Variants in MED13L observed in about 807,000 individuals in gnomAD.
The protein encoded by MED13L is mediator complex subunit 13L.
MED13L carries 7 observed loss-of-function variants against 220.9 expected under a neutral mutation model. That is an observed-to-expected ratio of 0.03 (90% CI 0.02 to 0.06). The LOEUF (loss-of-function observed/expected upper bound fraction) is 0.06. Among genes scored for constraint, MED13L ranks in the 10% least tolerant of loss-of-function variants. MED13L has a pLI of 1.00. For missense variants in MED13L, 1,965 were observed against 2,760.5 expected (o/e 0.71, Z 6.46); for synonymous variants, 1,011 against 1,015.2 (o/e 1.00, Z 0.08).
chr12:116,096,832 A>G, intron 3 of MED13L, 80 bp from the exon 4 acceptor site: 1 of 961,470 alleles, frequency 1.0e-6, no homozygotes, highest in Non-Finnish European at 1.7e-6. Context: ...ACCAGATGAG[A>G]TATATCACCA....
chr12:116,260,700 C>T (rs1012097323), intron 1 of MED13L, among the ~76,000 whole-genome samples: 3 of 152,122 alleles, frequency 2.0e-5, no homozygotes, highest in East Asian at 1.9e-4. Context: ...CAAATGCCCC[C>T]GCTATTCTAT....
intron 1 of MED13L, among the ~76,000 whole-genome samples, chr12:116,253,820 C>T (rs1242829922): frequency 1.6e-5 from 2 of 128,718 alleles, no homozygotes; most frequent in East Asian, 2.4e-4. Flanking sequence ...AGTGCAGTGG[C>T]GCAATACCTG....
chr12:116,188,032 T>C (rs943878332), intron 2 of MED13L, among the ~76,000 whole-genome samples: 3 of 152,110 alleles, frequency 2.0e-5, no homozygotes, highest in Non-Finnish European at 2.9e-5. Context: ...CACTCATTCA[T>C]TGGATTTATT....
At chr12:116,025,564 G>A (rs1361257099) in intron 4 of MED13L, among the ~76,000 whole-genome samples, 1 of 152,180 alleles carries the variant, frequency 6.6e-6, no homozygotes, top group Non-Finnish European at 1.5e-5. Flanking sequence ...ATGAAATCCT[G>A]TCATTTGAGA....
chr12:116,059,435 G>A (rs1212924552), intron 4 of MED13L, among the ~76,000 whole-genome samples: 2 of 143,872 alleles, frequency 1.4e-5, no homozygotes, highest in African/African-American at 5.1e-5. Context: ...TTTTTTTTTG[G>A]TGAGGAGTTT....
At position 115,992,021 on chromosome 12, in the gene MED13L, T is replaced by C. The variant is rs2137308969; in HGVS notation, c.2997-64A>G. The C allele has an allele frequency of 4.4e-6, 6 of 1,355,658 alleles. No homozygotes were observed. In the South Asian group the frequency reaches 7.3e-5, roughly 16 times the overall value. 84.0% of individuals were successfully genotyped at this position (1,355,658 alleles called of 1,614,324 possible). A position where few individuals can be genotyped will look rare whatever the true frequency, so the allele number is the denominator to read the frequency against. ...TGTCACAGATGCTGAACTAGACACA[T>C]GATCACCCCAGCCATGTACTGTGTA... On this transcript the variant is annotated intron_variant, in intron 16 of 30. Transcript: ENST00000281928.
At chr12:116,125,593 A>G (rs975527052) in intron 2 of MED13L, among the ~76,000 whole-genome samples, 6 of 152,222 alleles carry the variant, frequency 3.9e-5, no homozygotes, top group Admixed American at 2.6e-4. Context: ...TCTGAAATCA[A>G]ACAATGAGTC....
intron 2 of MED13L, among the ~76,000 whole-genome samples, chr12:116,183,217 C>T (rs1168050791): frequency 6.6e-6 from 1 of 152,130 alleles, no homozygotes; most frequent in African/African-American, 2.4e-5. Context: ...AATAAATTCA[C>T]AGTGGTTAAA....
intron 4 of MED13L, among the ~76,000 whole-genome samples, chr12:116,039,360 G>A (rs1409641865): frequency 6.6e-6 from 1 of 152,172 alleles, no homozygotes; most frequent in Non-Finnish European, 1.5e-5. Context: ...CAGTTTCCCA[G>A]CAAAAGAGAA....
intron 2 of MED13L, among the ~76,000 whole-genome samples, chr12:116,163,264 T>C (rs1267544977): frequency 6.6e-6 from 1 of 152,060 alleles, no homozygotes; most frequent in Non-Finnish European, 1.5e-5. Context: ...TGCACTATCA[T>C]CCTTATTAGT....
In MED13L at chr12:115,960,694, T is replaced by C; in HGVS notation, c.*572A>G. The C allele has an allele frequency of 6.1e-6, 1 of 162,710 alleles. No homozygotes were observed. Among genetic ancestry groups the C allele is most frequent in the East Asian group, 1.7e-4 (1 of 5,860 alleles). The allele number at this position is 162,710 out of a possible 1,614,324, so 10.1% of individuals were successfully genotyped here. ...ACAAAATGAAGCTGTCTCCAGACCT[T>C]CTGCATTGACACACAGGTTTGAAGT... On this transcript the variant is annotated 3_prime_UTR_variant, in exon 31 of 31. Coordinates refer to ENST00000281928, the MANE Select transcript of MED13L (RefSeq NM_015335.5).
chr12:116,012,672 A>T (rs185274192), intron 9 of MED13L, 125 bp downstream of exon 9: 22 of 793,878 alleles, frequency 2.8e-5, no homozygotes, highest in Non-Finnish European at 4.5e-6. Context: ...AAAAAAACTA[A>T]TCTTTTTCTT....
chr12:115,963,290 A>G (rs1416947589), intron 30 of MED13L, 117 bp downstream of exon 30: 6 of 809,966 alleles, frequency 7.4e-6, no homozygotes, highest in Non-Finnish European at 1.3e-5. Flanking sequence ...ATACTGTATC[A>G]CTGCACAAAC....
chr12:116,229,629 A>C (rs960547264), intron 2 of MED13L, among the ~76,000 whole-genome samples: 1 of 152,172 alleles, frequency 6.6e-6, no homozygotes, highest in Non-Finnish European at 1.5e-5. Flanking sequence ...CTCAATTTCA[A>C]GCATATTTAC....
intron 1 of MED13L, among the ~76,000 whole-genome samples, chr12:116,253,972 G>C (rs901455680): frequency 7.3e-5 from 11 of 151,714 alleles, no homozygotes; most frequent in Admixed American, 2.0e-4. Context: ...CATTGGCCAG[G>C]CTGGTCTCGA....
intron 4 of MED13L, among the ~76,000 whole-genome samples, chr12:116,037,063 A>AT (rs1881234652): frequency 6.6e-6 from 1 of 152,232 alleles, no homozygotes; most frequent in Non-Finnish European, 1.5e-5. Context: ...TAGTACTTGT[A>AT]TATTACTACT....
chr12:116,165,826 C>T (rs1415084865), intron 2 of MED13L, among the ~76,000 whole-genome samples: 1 of 152,040 alleles, frequency 6.6e-6, no homozygotes, highest in African/African-American at 2.4e-5. Context: ...GACTGAAAGC[C>T]CTTTTGTGGC....
At chr12:116,152,453 A>G (rs1404573265) in intron 2 of MED13L, among the ~76,000 whole-genome samples, 1 of 152,134 alleles carries the variant, frequency 6.6e-6, no homozygotes, top group Non-Finnish European at 1.5e-5. Context: ...AACTTCAAGA[A>G]TGTGTCTACC....
chr12:116,212,182 C>T (rs1016664200), intron 2 of MED13L, among the ~76,000 whole-genome samples: 9 of 152,012 alleles, frequency 5.9e-5, no homozygotes, highest in Non-Finnish European at 1.2e-4. Context: ...AAGGAAAGGA[C>T]GTTATTCAAG....
Sources: allele counts gnomAD v4.1 joint callset (sites outside exome capture counted in the v4.1 genomes callset), GRCh38; gene constraint gnomAD v4.1.1; transcripts MANE v1.5; gene names NCBI Gene and HGNC (gene_info 2026-07-23, HGNC 2026-07-21).